SEMA3A: variants seen among roughly 807,000 people sequenced by gnomAD.
SEMA3A encodes the protein semaphorin-3A.
Under a neutral mutation model 97.9 loss-of-function variants are expected in SEMA3A, and 29 were observed. That is an observed-to-expected ratio of 0.30 (90% CI 0.22 to 0.40). The LOEUF is 0.40. Ranked by LOEUF, SEMA3A falls within the 10% of genes least tolerant of loss-of-function variation. SEMA3A has a pLI of 1.00. For synonymous variants in SEMA3A, 321 were observed against 323.7 expected (o/e 0.99, Z 0.09); for missense variants, 763 against 951.3 (o/e 0.80, Z 2.60).
chr7:83,984,284 T>A (rs561722083), intron 13 of SEMA3A, among the ~76,000 whole-genome samples: 1 of 152,210 alleles, frequency 6.6e-6, no homozygotes, highest in African/African-American at 2.4e-5. Flanking sequence ...CTCTAACAAT[T>A]TTCAGATTAC....
At chr7:84,407,900 G>A (rs1374441414) in intron 1 of SEMA3A, among the ~76,000 whole-genome samples, 3 of 152,028 alleles carry the variant, frequency 2.0e-5, no homozygotes, top group Admixed American at 6.6e-5. Flanking sequence ...AATTCGAGAT[G>A]GATTAAAGAC....
intron 4 of SEMA3A, 117 bp downstream of exon 4, chr7:84,110,353 A>T: frequency 9.2e-7 from 1 of 1,090,486 alleles, no homozygotes; most frequent in Non-Finnish European, 1.3e-6. Context: ...TCTGAGTTTG[A>T]AGTAGGTCCC....
intron 1 of SEMA3A, among the ~76,000 whole-genome samples, chr7:84,458,083 T>A (rs573812369): frequency 6.6e-6 from 1 of 152,046 alleles, no homozygotes; most frequent in Admixed American, 6.5e-5. Context: ...ATTGAGTTGA[T>A]GTTACATTAA....
intron 1 of SEMA3A, among the ~76,000 whole-genome samples, chr7:84,158,387 C>T (rs1305001805): frequency 1.3e-5 from 2 of 151,994 alleles, no homozygotes; most frequent in East Asian, 1.9e-4. Flanking sequence ...CTCCTGACCT[C>T]GTGATCCACC....
At chr7:84,176,987 TG>T (rs1439882644) in intron 1 of SEMA3A, among the ~76,000 whole-genome samples, 2 of 152,114 alleles carry the variant, frequency 1.3e-5, no homozygotes, top group African/African-American at 2.4e-5. Flanking sequence ...TCAAGTTGCT[TG>T]GCAGTATTTT....
chr7:84,050,409 T>G (rs1792570352), intron 5 of SEMA3A, among the ~76,000 whole-genome samples: 1 of 152,020 alleles, frequency 6.6e-6, no homozygotes, highest in African/African-American at 2.4e-5. Flanking sequence ...TTCTAACTGG[T>G]GTGAGATGGT....
Position 84,318,321 on chromosome 7 carries a change from T to G in SEMA3A, c.-168-11029A>C, listed in dbSNP as rs961244245. ...GTGTGAATAAATGATTTCTTGGTTTTTTTTTTTTTTTTTTTTTTTGAGACG... is the reference window on the plus strand; with the variant it reads ...GTGTGAATAAATGATTTCTTGGTTTGTTTTTTTTTTTTTTTTTTTGAGACG... On this transcript the variant is annotated intron_variant, in intron 2 of 3. Transcript: ENST00000424555. 2.1e-5 allele frequency among the ~76,000 whole-genome samples: 3 copies of G among 139,958 alleles called. No individual in the cohort carries two copies. The East Asian group carries it at 6.2e-4, about 29-fold the overall frequency. The allele number at this position is 139,958 out of a possible 152,430, so 91.8% of individuals were successfully genotyped here.
intron 3 of SEMA3A, among the ~76,000 whole-genome samples, chr7:84,265,165 G>C (rs1216823820): frequency 6.6e-6 from 1 of 152,104 alleles, no homozygotes; most frequent in Non-Finnish European, 1.5e-5. Flanking sequence ...GCAAAGCTGA[G>C]TATATTATTA....
intron 6 of SEMA3A, 21 bp downstream of exon 6, chr7:84,046,303 G>A: frequency 6.2e-7 from 1 of 1,611,834 alleles, no homozygotes; most frequent in South Asian, 1.1e-5. Context: ...ACATGTCTAT[G>A]TTCTTTCATA....
rs113236638 is a variant in SEMA3A, at chr7:84,311,132, A to G, written c.-168-3840T>C. On this transcript the variant is annotated intron_variant, in intron 2 of 3. Transcript: ENST00000424555. Reference sequence around the variant, plus strand: ...CATGCAATTTCAATATTTTATTAATAATCTGAAAATACTTGTTAAACATAC... The same window carrying G: ...CATGCAATTTCAATATTTTATTAATGATCTGAAAATACTTGTTAAACATAC... Among the ~76,000 whole-genome samples, 5 of 152,008 alleles carry G rather than the reference A, an allele frequency of 3.3e-5. 1 individual carries two copies. Among genetic ancestry groups the G allele is most frequent in the African/African-American group, 1.2e-4 (5 of 41,538 alleles).
chr7:84,013,348 TAATGC>T, intron 7 of SEMA3A, among the ~76,000 whole-genome samples: 1 of 152,356 alleles, frequency 6.6e-6, no homozygotes, highest in African/African-American at 2.4e-5. Context: ...TCTAACAGTA[TAATGC>T]AATATTACAT....
intron 6 of SEMA3A, among the ~76,000 whole-genome samples, chr7:84,042,714 C>G (rs1792180009): frequency 6.6e-6 from 1 of 151,972 alleles, no homozygotes; most frequent in Non-Finnish European, 1.5e-5. Context: ...GAAACCCTGC[C>G]TCATTCTAAA....
intron 2 of SEMA3A, among the ~76,000 whole-genome samples, chr7:84,360,776 T>C (rs934911440): frequency 1.3e-5 from 2 of 152,004 alleles, no homozygotes; most frequent in Non-Finnish European, 2.9e-5. Flanking sequence ...CAGCAATTGT[T>C]TAAAACCTAC....
intron 12 of SEMA3A, among the ~76,000 whole-genome samples, chr7:83,990,072 T>C (rs1789834818): frequency 6.6e-6 from 1 of 152,008 alleles, no homozygotes; most frequent in South Asian, 2.1e-4. Flanking sequence ...TGGCCAGTGA[T>C]GATGAGCATT....
intron 3 of SEMA3A, among the ~76,000 whole-genome samples, chr7:84,256,965 C>G (rs1799731626): frequency 6.6e-6 from 1 of 151,024 alleles, no homozygotes; most frequent in Admixed American, 6.6e-5. Flanking sequence ...TGTTGCTCTT[C>G]TTTTTTTTTC....
intron 1 of SEMA3A, among the ~76,000 whole-genome samples, chr7:84,395,927 A>C (rs1251752864): frequency 2.0e-5 from 3 of 152,200 alleles, no homozygotes; most frequent in Non-Finnish European, 4.4e-5. Context: ...AGATTTAGAA[A>C]GAAATCTAGT....
At chr7:83,998,555 T>C (rs185810585) in intron 12 of SEMA3A, among the ~76,000 whole-genome samples, 23 of 152,318 alleles carry the variant, frequency 1.5e-4, no homozygotes, top group Non-Finnish European at 3.2e-4. Context: ...ATAGTCGCCA[T>C]ACACTTAGGC....
At chr7:84,008,373 C>A (rs1230606638) in intron 9 of SEMA3A, among the ~76,000 whole-genome samples, 1 of 151,644 alleles carries the variant, frequency 6.6e-6, no homozygotes, top group East Asian at 1.9e-4. Flanking sequence ...TGGCTGTAGT[C>A]CCAGCTACTC....
intron 2 of SEMA3A, among the ~76,000 whole-genome samples, chr7:84,363,864 T>A (rs1453092598): frequency 6.6e-6 from 1 of 151,816 alleles, no homozygotes; most frequent in Non-Finnish European, 1.5e-5. Flanking sequence ...AAAATAATAT[T>A]AGGATATAAG....
Sources: allele counts gnomAD v4.1 joint callset (sites outside exome capture counted in the v4.1 genomes callset), GRCh38; gene constraint gnomAD v4.1.1; transcripts MANE v1.5; gene names NCBI Gene and HGNC (gene_info 2026-07-23, HGNC 2026-07-21).